The following ASCC3 variants were observed in gnomAD, a reference collection of about 807,000 sequenced individuals.
ASCC3 encodes ASC-1 complex subunit P200.
Under a neutral mutation model 256.3 loss-of-function variants are expected in ASCC3, and 158 were observed. That is an observed-to-expected ratio of 0.62 (90% CI 0.54 to 0.70). ASCC3 has a LOEUF of 0.70. ASCC3 is among the 30% of genes least tolerant of loss of function. ASCC3 has a pLI of 0.00. For synonymous variants in ASCC3, 948 were observed against 883.4 expected, an observed-to-expected ratio of 1.07 and a Z score of -1.30; for missense variants, 2,259 against 2,626.0, an observed-to-expected ratio of 0.86 and a Z score of 3.05.
intron 1 of ASCC3, among the ~76,000 whole-genome samples, chr6:100,870,332 C>A (rs964013955): frequency 2.0e-5 from 3 of 150,722 alleles, no homozygotes; most frequent in African/African-American, 7.3e-5. Context: ...CCACTGCACT[C>A]CAGCTAGGGT....
Position 100,753,725 on chromosome 6 carries a change from A to C in ASCC3, c.1737+12840T>G, listed in dbSNP as rs188255118. Among the ~76,000 whole-genome samples the C allele has an allele frequency of 6.0e-4, 91 of 152,248 alleles. No individual in the cohort carries two copies. In the East Asian group the frequency reaches 0.017, roughly 28 times the overall value. ...AAAATTAGAGTAGTGGCAGTGATCA[A>C]AGAATGTGCTGACATTTTGAAACAA... On this transcript the variant is annotated intron_variant, in intron 10 of 41. Coordinates refer to ENST00000369162, the MANE Select transcript of ASCC3 (RefSeq NM_006828.4).
At chr6:100,860,402 T>C (rs1326655586) in intron 3 of ASCC3, among the ~76,000 whole-genome samples, 2 of 151,884 alleles carry the variant, frequency 1.3e-5, no homozygotes, top group African/African-American at 2.4e-5. Flanking sequence ...TAAAAAGGTA[T>C]GGGAATATAC....
At position 100,540,152 on chromosome 6, in the gene ASCC3, G is replaced by T; in HGVS notation, c.5775+11C>A. ...GAAAACACACATAGGTATTAGAAAT[G>T]ACTTTCATACCTGACATACTCTGAG... On this transcript the variant is annotated intron_variant, in intron 37 of 41. Transcript: ENST00000369162. The T allele has an allele frequency of 1.9e-6, 3 of 1,598,406 alleles. No homozygotes were observed. Among genetic ancestry groups the T allele is most frequent in the South Asian group, 2.2e-5 (2 of 90,744 alleles).
intron 1 of ASCC3, among the ~76,000 whole-genome samples, chr6:100,874,590 T>C (rs1773909188): frequency 6.6e-6 from 1 of 152,042 alleles, no homozygotes. Flanking sequence ...ATGTTATTCA[T>C]TCACTAAGCA....
rs76810727 is a variant in ASCC3, at chr6:100,545,860, T to G, written c.5551-5473A>C. Among the ~76,000 whole-genome samples, 1,512 of 152,296 alleles carry G rather than the reference T, an allele frequency of 9.9e-3. 40 individuals carry two copies. The highest frequency in any genetic ancestry group is 0.086 in the East Asian group (445 of 5,172). On this transcript the variant is annotated intron_variant, in intron 36 of 41. Coordinates refer to ENST00000369162, the MANE Select transcript of ASCC3 (RefSeq NM_006828.4). The stretch of plus-strand genomic sequence containing the variant: ...CATCCCAAAGCGCTGGGATTACATA[T>G]GTGAACCACCATGCCTGGTCTGCTC...
At chr6:100,867,822 A>G (rs1345816669) in intron 2 of ASCC3, 86 bp downstream of exon 2, 1 of 1,182,664 alleles carries the variant, frequency 8.5e-7, no homozygotes, top group African/African-American at 1.5e-5. Context: ...TGTTAACCAC[A>G]TAGAATGGAG....
chr6:100,595,055 A>G (rs1772215067), intron 34 of ASCC3, among the ~76,000 whole-genome samples: 1 of 152,100 alleles, frequency 6.6e-6, no homozygotes. Flanking sequence ...AGGGTTGGGA[A>G]AGCCATGCAA....
intron 11 of ASCC3, 92 bp from the exon 12 acceptor site, chr6:100,718,343 C>T: frequency 2.8e-6 from 3 of 1,085,200 alleles, no homozygotes; most frequent in Non-Finnish European, 3.9e-6. Flanking sequence ...CTTCTAAAAA[C>T]TCTAGACAGA....
chr6:100,864,381 A>C (rs1246948445), intron 2 of ASCC3, among the ~76,000 whole-genome samples, 167 bp from the exon 3 acceptor site: 1 of 152,236 alleles, frequency 6.6e-6, no homozygotes, highest in Non-Finnish European at 1.5e-5. Context: ...AATTTTACTT[A>C]AATGGGTGTT....
chr6:100,564,284 T>C (rs1770117423), intron 36 of ASCC3, among the ~76,000 whole-genome samples: 2 of 152,076 alleles, frequency 1.3e-5, no homozygotes, highest in Admixed American at 6.6e-5. Flanking sequence ...GTCACTCTAC[T>C]GAGCTACTGA....
intron 11 of ASCC3, among the ~76,000 whole-genome samples, chr6:100,720,875 T>C (rs1008155657): frequency 5.4e-5 from 8 of 148,032 alleles, no homozygotes; most frequent in Non-Finnish European, 1.2e-4. Context: ...TAATAATATA[T>C]TGCATATAAT....
At chr6:100,735,110 A>T (rs1460786497) in intron 10 of ASCC3, among the ~76,000 whole-genome samples, 2 of 152,192 alleles carry the variant, frequency 1.3e-5, no homozygotes, top group Non-Finnish European at 2.9e-5. Context: ...TATAATTCTC[A>T]GTAAGGGTAG....
At chr6:100,609,737 C>T (rs1433195962) in intron 30 of ASCC3, among the ~76,000 whole-genome samples, 1 of 152,024 alleles carries the variant, frequency 6.6e-6, no homozygotes, top group African/African-American at 2.4e-5. Flanking sequence ...ATGGAGAAAC[C>T]TCGTCTCTAC....
At chr6:100,684,705 A>G (rs187769932) in intron 13 of ASCC3, among the ~76,000 whole-genome samples, 97 of 152,120 alleles carry the variant, frequency 6.4e-4, no homozygotes, top group African/African-American at 2.3e-3. Context: ...AATTTAAAAC[A>G]CTTCCCCTTT....
At chr6:100,637,060 T>C (rs1774879087) in intron 25 of ASCC3, among the ~76,000 whole-genome samples, 1 of 152,170 alleles carries the variant, frequency 6.6e-6, no homozygotes, top group South Asian at 2.1e-4. Context: ...CAAAATAGCC[T>C]AATATTGGAG....
At chr6:100,768,948 T>C (rs1781791284) in intron 8 of ASCC3, among the ~76,000 whole-genome samples, 1 of 152,062 alleles carries the variant, frequency 6.6e-6, no homozygotes, top group African/African-American at 2.4e-5. Context: ...TGAAATGAAA[T>C]AGCACACCTC....
At chr6:100,555,479 A>G (rs1769526014) in intron 36 of ASCC3, among the ~76,000 whole-genome samples, 1 of 152,132 alleles carries the variant, frequency 6.6e-6, no homozygotes, top group African/African-American at 2.4e-5. Flanking sequence ...TTTTTCCAAT[A>G]TAAGAAGGAC....
chr6:100,623,496 G>C (rs549111125), intron 30 of ASCC3, among the ~76,000 whole-genome samples: 1 of 152,222 alleles, frequency 6.6e-6, no homozygotes, highest in East Asian at 1.9e-4. Context: ...CTCTAAATGA[G>C]TCATGAGAAG....
chr6:100,655,597 C>A, intron 17 of ASCC3, 102 bp downstream of exon 17: 1 of 1,377,504 alleles, frequency 7.3e-7, no homozygotes, highest in African/African-American at 1.4e-5. Context: ...CTAGGTACCT[C>A]TTTTCAGATG....
Sources: gnomAD v4.1 joint callset for allele counts (sites outside exome capture counted in the v4.1 genomes callset) on GRCh38, gnomAD v4.1.1 for gene constraint, MANE v1.5 for transcripts, NCBI Gene and HGNC (gene_info 2026-07-23, HGNC 2026-07-21) for gene names.